Variants in ARHGAP22 observed in about 807,000 individuals in gnomAD.
ARHGAP22 encodes the protein rho GTPase-activating protein 22.
A neutral mutation model predicts 59.1 loss-of-function variants in ARHGAP22; 48 were observed. The ratio of observed to expected loss-of-function variants is 0.81; its 90% CI spans 0.64 to 1.03. The LOEUF is 1.03. Ranked by LOEUF, ARHGAP22 falls within the 50% of genes least tolerant of loss-of-function variation. The pLI is 0.00. For missense variants in ARHGAP22, 1,015 were observed against 958.7 expected (o/e 1.06, Z -0.78); for synonymous variants, 445 against 416.4 (o/e 1.07, Z -0.84).
At chr10:48,523,142 A>G (rs941888048) in intron 3 of ARHGAP22, among the ~76,000 whole-genome samples, 2 of 152,154 alleles carry the variant, frequency 1.3e-5, no homozygotes, top group African/African-American at 2.4e-5. Flanking sequence ...AGCCTGCCTT[A>G]CCCTATATGG....
chr10:48,606,965 C>T (rs560234537), upstream of ARHGAP22, among the ~76,000 whole-genome samples: 1 of 152,312 alleles, frequency 6.6e-6, no homozygotes, highest in African/African-American at 2.4e-5. Context: ...AACTGACCTC[C>T]TTTTCCTTTA....
intron 3 of ARHGAP22, among the ~76,000 whole-genome samples, chr10:48,547,745 A>T (rs114507799): frequency 2.0e-3 from 311 of 152,320 alleles, no homozygotes; most frequent in African/African-American, 7.2e-3. Flanking sequence ...CCCCACAAGT[A>T]GGAATTGCTC....
intron 4 of ARHGAP22, among the ~76,000 whole-genome samples, chr10:48,477,126 C>T (rs1326822033): frequency 6.6e-6 from 1 of 152,234 alleles, no homozygotes; most frequent in African/African-American, 2.4e-5. Context: ...TCTCCCATCC[C>T]ATCTTAACCT....
intron 4 of ARHGAP22, 138 bp from the exon 5 acceptor site, chr10:48,460,029 A>G (rs2133795298): frequency 1.1e-6 from 1 of 881,080 alleles, no homozygotes; most frequent in African/African-American, 1.7e-5. Context: ...GGGAGGATGC[A>G]TACCAGAAGG....
At chr10:48,604,702 C>T (rs1354539282) in intron 1 of ARHGAP22, 61 bp downstream of exon 1, 25 of 1,613,622 alleles carry the variant, frequency 1.5e-5, no homozygotes, top group Non-Finnish European at 2.1e-5. Flanking sequence ...GCCAAGTGTC[C>T]GCGCACGTTT....
chr10:48,553,058 C>T (rs2057021859), intron 3 of ARHGAP22, among the ~76,000 whole-genome samples: 1 of 152,228 alleles, frequency 6.6e-6, no homozygotes, highest in South Asian at 2.1e-4. Context: ...AGTGCAGCCT[C>T]CCAGGTCCCA....
chr10:48,435,195 T>C, the ARHGAP22 span: 1 of 526,266 alleles, frequency 1.9e-6, no homozygotes, highest in East Asian at 3.2e-5. Context: ...TGATGTAATT[T>C]AAAACCTAAG....
At chr10:48,450,209 C>T (rs2045767491) in intron 9 of ARHGAP22, 52 bp downstream of exon 9, 2 of 1,582,196 alleles carry the variant, frequency 1.3e-6, no homozygotes, top group Admixed American at 1.8e-5. Context: ...GAGCACGGCT[C>T]TCCCTGCAGG....
At chr10:48,572,879 T>C (rs2058485400) in intron 2 of ARHGAP22, among the ~76,000 whole-genome samples, 1 of 152,188 alleles carries the variant, frequency 6.6e-6, no homozygotes, top group South Asian at 2.1e-4. Flanking sequence ...TTATTCTGTT[T>C]GTCAAATAGT....
intron 2 of ARHGAP22, among the ~76,000 whole-genome samples, chr10:48,562,915 T>G (rs1342230160): frequency 2.0e-5 from 3 of 152,200 alleles, no homozygotes; most frequent in African/African-American, 7.2e-5. Context: ...CAACAAAAAT[T>G]TATTTTCTTA....
At chr10:48,498,583 A>T (rs1307413689) in intron 3 of ARHGAP22, among the ~76,000 whole-genome samples, 2 of 152,210 alleles carry the variant, frequency 1.3e-5, no homozygotes, top group East Asian at 3.9e-4. Flanking sequence ...TCCTTTGTGG[A>T]GTTCTCATAC....
At chr10:48,503,347 A>T (rs1240769303) in intron 3 of ARHGAP22, among the ~76,000 whole-genome samples, 1 of 152,154 alleles carries the variant, frequency 6.6e-6, no homozygotes, top group Non-Finnish European at 1.5e-5. Context: ...TATTCTAAGG[A>T]ACAAAAAAGG....
chr10:48,449,195 T>C (rs944043199), intron 9 of ARHGAP22, among the ~76,000 whole-genome samples: 1 of 152,176 alleles, frequency 6.6e-6, no homozygotes, highest in Non-Finnish European at 1.5e-5. Context: ...GCAGATAGCA[T>C]CTTCTACTAT....
intron 3 of ARHGAP22, among the ~76,000 whole-genome samples, chr10:48,495,830 A>G (rs2050867089): frequency 6.6e-6 from 1 of 152,234 alleles, no homozygotes; most frequent in Non-Finnish European, 1.5e-5. Context: ...GTGTTGAGGC[A>G]GGCTGCCCTG....
chr10:48,612,477 G>A (rs1239959034), intron 1 of ARHGAP22, among the ~76,000 whole-genome samples: 1 of 152,166 alleles, frequency 6.6e-6, no homozygotes, highest in African/African-American at 2.4e-5. Flanking sequence ...GGACAGAGTC[G>A]ACTTCTCAGC....
intron 1 of ARHGAP22, among the ~76,000 whole-genome samples, chr10:48,644,130 A>G (rs1468816002): frequency 6.6e-6 from 1 of 152,204 alleles, no homozygotes; most frequent in East Asian, 1.9e-4. Context: ...CTGGGCAACA[A>G]TAGCAAAACT....
intron 3 of ARHGAP22, among the ~76,000 whole-genome samples, chr10:48,533,460 A>C (rs1248248763): frequency 6.6e-6 from 1 of 152,112 alleles, no homozygotes; most frequent in Non-Finnish European, 1.5e-5. Flanking sequence ...TTGAGTTGCT[A>C]CTTTTATTTG....
At chr10:48,645,271 G>A (rs1283826349) in intron 1 of ARHGAP22, among the ~76,000 whole-genome samples, 1 of 152,086 alleles carries the variant, frequency 6.6e-6, no homozygotes, top group East Asian at 1.9e-4. Flanking sequence ...ATTCTATGAG[G>A]CCAGTATTAC....
At chr10:48,569,398 T>A (rs759431562) in intron 2 of ARHGAP22, among the ~76,000 whole-genome samples, 1 of 152,242 alleles carries the variant, frequency 6.6e-6, no homozygotes, top group Non-Finnish European at 1.5e-5. Context: ...ACCTCCATTA[T>A]GCTGATCAAC....
Sources: allele counts gnomAD v4.1 joint callset (sites outside exome capture counted in the v4.1 genomes callset), GRCh38; gene constraint gnomAD v4.1.1; transcripts MANE v1.5; gene names NCBI Gene and HGNC (gene_info 2026-07-23, HGNC 2026-07-21).